Variants in PTPRA observed in about 807,000 individuals in gnomAD.
PTPRA encodes the protein receptor-type tyrosine-protein phosphatase alpha.
A neutral mutation model predicts 104.8 loss-of-function variants in PTPRA; 25 were observed. That is an observed-to-expected ratio of 0.24 (90% confidence interval 0.17 to 0.33). The LOEUF (loss-of-function observed/expected upper bound fraction) is 0.33, where lower values mean the gene tolerates loss of function less well. Among genes scored for constraint, PTPRA ranks in the 10% least tolerant of loss-of-function variants. The pLI is 1.00. For synonymous variants in PTPRA, 323 were observed against 368.9 expected, an observed-to-expected ratio of 0.88 and a Z score of 1.43; for missense variants, 765 against 1,015.3, an observed-to-expected ratio of 0.75 and a Z score of 3.35.
chr20:2,933,941 A>G (rs1263186010), intron 2 of PTPRA, among the ~76,000 whole-genome samples: 1 of 152,174 alleles, frequency 6.6e-6, no homozygotes, highest in Non-Finnish European at 1.5e-5. Flanking sequence ...ATATTTTCAA[A>G]TGTTTTCTTC....
At chr20:3,027,890 GAT>G in intron 20 of PTPRA, 49 bp downstream of exon 20, 1 of 1,606,324 alleles carries the variant, frequency 6.2e-7, no homozygotes, top group Non-Finnish European at 8.5e-7. Context: ...AGCATGAAAA[GAT>G]GTGTGTGTAA....
At chr20:2,982,465 A>G (rs1424017777) in intron 6 of PTPRA, among the ~76,000 whole-genome samples, 7 of 152,130 alleles carry the variant, frequency 4.6e-5, no homozygotes, top group East Asian at 1.9e-4. Context: ...CTTTGGCTCA[A>G]CGTAATCCAT....
intron 3 of PTPRA, among the ~76,000 whole-genome samples, chr20:2,953,760 A>G (rs2061435054): frequency 6.6e-6 from 1 of 150,428 alleles, no homozygotes; most frequent in Non-Finnish European, 1.5e-5. Flanking sequence ...GGCGCCCGCC[A>G]CCACACCCAG....
intron 22 of PTPRA, among the ~76,000 whole-genome samples, chr20:3,036,436 G>A (rs1219895736): frequency 6.6e-6 from 1 of 152,250 alleles, no homozygotes; most frequent in Non-Finnish European, 1.5e-5. Context: ...AGGGGTCCCT[G>A]GCCAGGGCCG....
At chr20:2,874,926 G>C (rs905516011) in intron 1 of PTPRA, among the ~76,000 whole-genome samples, 3 of 152,108 alleles carry the variant, frequency 2.0e-5, no homozygotes, top group African/African-American at 7.2e-5. Context: ...CACATGTTGG[G>C]ATGTTTTTGT....
intron 5 of PTPRA, among the ~76,000 whole-genome samples, chr20:2,971,573 G>T (rs927926886): frequency 6.6e-6 from 1 of 152,134 alleles, no homozygotes; most frequent in African/African-American, 2.4e-5. Flanking sequence ...AATACCTCCA[G>T]AACAAAGTTA....
At chr20:2,958,422 T>C (rs750329132) in intron 3 of PTPRA, among the ~76,000 whole-genome samples, 1 of 151,878 alleles carries the variant, frequency 6.6e-6, no homozygotes, top group Non-Finnish European at 1.5e-5. Flanking sequence ...CATGAGGATA[T>C]TGAAGTCATC....
At chr20:2,978,091 T>A (rs1245595162) in intron 6 of PTPRA, among the ~76,000 whole-genome samples, 1 of 151,956 alleles carries the variant, frequency 6.6e-6, no homozygotes, top group African/African-American at 2.4e-5. Flanking sequence ...ATGTGTGAGG[T>A]GTGGGGAGTG....
intron 2 of PTPRA, among the ~76,000 whole-genome samples, chr20:2,937,143 G>C: frequency 2.1e-5 from 1 of 47,454 alleles, no homozygotes; most frequent in East Asian, 7.2e-4. Context: ...TTTTTTTTTT[G>C]AGACGGAGTC....
chr20:2,890,757 TTCTA>T (rs2058762285), intron 1 of PTPRA, among the ~76,000 whole-genome samples: 1 of 152,166 alleles, frequency 6.6e-6, no homozygotes, highest in African/African-American at 2.4e-5. Flanking sequence ...GTTTTCCTCT[TTCTA>T]TCTTTGTGGC....
chr20:2,887,475 G>A (rs987960583), intron 1 of PTPRA, among the ~76,000 whole-genome samples: 1 of 152,150 alleles, frequency 6.6e-6, no homozygotes, highest in Admixed American at 6.5e-5. Context: ...AGTGGTGATA[G>A]GGATGGAGAT....
intron 3 of PTPRA, among the ~76,000 whole-genome samples, chr20:2,948,755 T>A (rs918851930): frequency 1.3e-5 from 2 of 151,738 alleles, no homozygotes. Context: ...ATCAAGACCA[T>A]CCTGGCTAAC....
intron 5 of PTPRA, 127 bp from the exon 6 acceptor site, chr20:2,975,088 G>A: frequency 2.5e-6 from 2 of 796,734 alleles, no homozygotes; most frequent in South Asian, 2.0e-5. Flanking sequence ...TTGTTTCCCA[G>A]TTGTTGGAGG....
intron 1 of PTPRA, among the ~76,000 whole-genome samples, chr20:2,879,256 G>C (rs915516689): frequency 4.6e-5 from 7 of 152,198 alleles, no homozygotes; most frequent in Admixed American, 3.3e-4. Context: ...TCAGGGCAGC[G>C]CTTCGCTAAC....
intron 9 of PTPRA, among the ~76,000 whole-genome samples, chr20:2,996,593 A>G (rs1244402964): frequency 1.3e-5 from 2 of 152,340 alleles, no homozygotes; most frequent in East Asian, 1.9e-4. Flanking sequence ...GGGAGAATCT[A>G]TTTGCCATAG....
chr20:3,010,640 TAAATA>T (rs1391676810), intron 11 of PTPRA, among the ~76,000 whole-genome samples: 1 of 151,164 alleles, frequency 6.6e-6, no homozygotes, highest in Admixed American at 6.6e-5. Flanking sequence ...AAAAAATAAA[TAAATA>T]AAAAATAAAA....
chr20:2,865,031 G>A, the PTPRA span: 19 of 1,614,156 alleles, frequency 1.2e-5, no homozygotes, highest in South Asian at 2.1e-4. The surrounding 1 kb of genome is among the most constrained non-coding windows in gnomAD (Gnocchi z 5.2). Flanking sequence ...CCTTCTACAA[G>A]GCCAAGAATG....
intron 2 of PTPRA, among the ~76,000 whole-genome samples, chr20:2,924,110 A>C (rs2060200774): frequency 6.6e-6 from 1 of 152,216 alleles, no homozygotes; most frequent in Non-Finnish European, 1.5e-5. Flanking sequence ...CAAAAACAGG[A>C]GAATAGTTAA....
chr20:2,939,951 A>AG (rs2060845744), intron 2 of PTPRA, among the ~76,000 whole-genome samples: 1 of 152,226 alleles, frequency 6.6e-6, no homozygotes, highest in South Asian at 2.1e-4. Context: ...TACTAAAAAT[A>AG]CAAAAAAAAT....
Sources: allele counts gnomAD v4.1 joint callset (sites outside exome capture counted in the v4.1 genomes callset), GRCh38; gene constraint gnomAD v4.1.1; non-coding constraint Gnocchi (gnomAD v3.1); transcripts MANE v1.5; gene names NCBI Gene and HGNC (gene_info 2026-07-23, HGNC 2026-07-21).